Variants in PPFIA3 observed in about 807,000 individuals in gnomAD.
PPFIA3 encodes PPFI scaffold protein A3.
A neutral mutation model predicts 145.8 loss-of-function variants in PPFIA3; 26 were observed. The observed-to-expected ratio is 0.18, with a 90% CI of 0.13 to 0.25. PPFIA3 has a LOEUF of 0.25. Ranked by LOEUF, PPFIA3 falls within the 10% of genes least tolerant of loss-of-function variation. The pLI, the probability that PPFIA3 is intolerant of heterozygous loss-of-function variation, is 1.00. For missense variants in PPFIA3, 1,008 were observed against 1,587.8 expected (o/e 0.63, Z 6.21); for synonymous variants, 645 against 661.4 (o/e 0.98, Z 0.38).
At chr19:49,142,713 T>G in intron 20 of PPFIA3, 91 bp from the exon 21 acceptor site, 1 of 1,027,290 alleles carries the variant, frequency 9.7e-7, no homozygotes, top group Admixed American at 1.9e-5. Flanking sequence ...CCCACCCCCT[T>G]GCCTTTCCCC....
rs1881143902 is a variant in PPFIA3 at position 49,135,790 on chromosome 19, G to A, written c.1532G>A (p.Gly511Asp). Residue 511 changes from glycine to aspartate, a missense_variant, in exon 14 of 30, where the codon GGC (glycine) becomes GAC (aspartate). Around this residue, in one of 11 missense-constraint regions of PPFIA3, gnomAD observed 121 missense variants for 138.2 expected, o/e 0.88. Transcript: ENST00000334186. ...PPSSYSRSLP[G>D]SALELRYSQA... is the part of the protein sequence containing the mutation. ...CCTCATGCCCACAGGTCTCTCCCTG[G>A]CAGTGCCCTGGAGCTCCGTTACTCT... The A allele has an allele frequency of 1.9e-6, 3 of 1,611,028 alleles. No homozygotes were observed. The highest frequency in any genetic ancestry group is 1.7e-6 in the Non-Finnish European group (2 of 1,178,454).
At chr19:49,142,240 C>A in intron 20 of PPFIA3, 125 bp downstream of exon 20, 1 of 884,968 alleles carries the variant, frequency 1.1e-6, no homozygotes, top group Non-Finnish European at 1.7e-6. Context: ...GGCCATGGGC[C>A]TGGCAGGTGA....
chr19:49,137,707 T>G (rs2041158144), intron 15 of PPFIA3, among the ~76,000 whole-genome samples: 2 of 148,262 alleles, frequency 1.3e-5, no homozygotes, highest in South Asian at 4.3e-4. Context: ...CTACCCTGAT[T>G]CACCAGCAAT....
Position 49,128,521 on chromosome 19 carries a change from A to T in PPFIA3, c.342+53A>T, listed in dbSNP as rs1461390936. 26 of 1,437,838 alleles carry T rather than the reference A, an allele frequency of 1.8e-5. No homozygotes were observed. The East Asian group carries it at 6.2e-4, about 34-fold the overall frequency. The allele number at this position is 1,437,838 out of a possible 1,614,324, so 89.1% of individuals were successfully genotyped here. A position where few individuals can be genotyped will look rare whatever the true frequency, so the allele number is the denominator to read the frequency against. The stretch of plus-strand genomic sequence containing the variant: ...GTGGGGGCGGGGCCTCGTGGTGTTG[A>T]AGTGGGGGGCGGGGCCTCTCAGTGT... On this transcript the variant is annotated intron_variant, in intron 3 of 29. Transcript: ENST00000334186. This position sits in a 1 kb window ranked among gnomAD's most constrained non-coding sequence, Gnocchi z 4.1.
chr19:49,122,217 A>T (rs1275522794), intron 1 of PPFIA3, among the ~76,000 whole-genome samples: 1 of 150,608 alleles, frequency 6.6e-6, no homozygotes, highest in Non-Finnish European at 1.5e-5. Flanking sequence ...AGTAGCTGGG[A>T]TTACAGGCGC....
At position 49,129,370 on chromosome 19, in the gene PPFIA3, CG is replaced by C. The variant is rs141497121; in HGVS notation, c.508-9del. On this transcript the variant is annotated splice_polypyrimidine_tract_variant and intron_variant, in intron 4 of 29. Coordinates refer to ENST00000334186, the MANE Select transcript of PPFIA3 (RefSeq NM_003660.4). ...TCTCCAGCTGACTGTTGCCCTGCCCCGATCCCCAGGTCCGGGAGCGGCTGCG... is the reference window on the plus strand; with the variant it reads ...TCTCCAGCTGACTGTTGCCCTGCCCCATCCCCAGGTCCGGGAGCGGCTGCG... 1.0e-3 allele frequency: 1,619 copies of C among 1,549,476 alleles called. 14 individuals carry two copies. In the African/African-American group the frequency reaches 0.018, roughly 17 times the overall value.
intron 1 of PPFIA3, among the ~76,000 whole-genome samples, chr19:49,126,107 C>G (rs1033563330): frequency 4.0e-5 from 6 of 148,856 alleles, no homozygotes; most frequent in Non-Finnish European, 8.9e-5. Context: ...CGTGCCACCA[C>G]GCAAGCTAAT....
At chr19:49,146,686 T>G (rs573686868) in intron 23 of PPFIA3, among the ~76,000 whole-genome samples, 2 of 152,050 alleles carry the variant, frequency 1.3e-5, no homozygotes, top group Non-Finnish European at 2.9e-5. Flanking sequence ...TTCCAGCACT[T>G]TAGGAGGCTG....
chr19:49,149,859 C>T lies in PPFIA3; in HGVS notation c.3526+141C>T, dbSNP rs2041324853. On this transcript the variant is annotated intron_variant, in intron 28 of 29. Coordinates refer to ENST00000334186, the MANE Select transcript of PPFIA3 (RefSeq NM_003660.4). This position sits in a 1 kb window ranked among gnomAD's most constrained non-coding sequence, Gnocchi z 5.7. ...TGGACTGCTCCAACGTTCCGGACTC[C>T]CCCGTCAGGATGAAATGGATAAATC... 1 of 1,203,816 alleles carries T rather than the reference C, an allele frequency of 8.3e-7. No homozygotes were observed. The allele number at this position is 1,203,816 out of a possible 1,614,324, so 74.6% of individuals were successfully genotyped here.
chr19:49,123,885 G>A (rs976429631), intron 1 of PPFIA3, among the ~76,000 whole-genome samples: 14 of 152,148 alleles, frequency 9.2e-5, no homozygotes, highest in South Asian at 6.2e-4. Context: ...CTGGTGGATC[G>A]TGGGTTTTCT....
In PPFIA3 at chr19:49,126,868, G is replaced by A. The variant is rs141649004; in HGVS notation, c.-15-991G>A. ...TGATTTTCTCCACATTCACTCATAC[G>A]ATACCAGGGTCGGCCAGCTTTGGTT... is the stretch of plus-strand genomic sequence containing the variant. On this transcript the variant is annotated intron_variant, in intron 1 of 29. Transcript: ENST00000334186. Among the ~76,000 whole-genome samples the A allele has an allele frequency of 5.3e-3, 800 of 152,012 alleles. 4 individuals carry two copies. The highest frequency in any genetic ancestry group is 0.031 in the Middle Eastern group (9 of 294).
At chr19:49,131,739 G>A (rs369861810) in intron 7 of PPFIA3, among the ~76,000 whole-genome samples, 38 of 152,012 alleles carry the variant, frequency 2.5e-4, no homozygotes, top group African/African-American at 6.3e-4. Context: ...TGCCAGGTGC[G>A]GTGGTTCACG....
chr19:49,138,723 A>C (rs921232515), intron 16 of PPFIA3, among the ~76,000 whole-genome samples: 2 of 152,198 alleles, frequency 1.3e-5, no homozygotes, highest in Admixed American at 6.5e-5. Context: ...TAATCCCAGC[A>C]CTTCGGGAGG....
At chr19:49,124,663 A>G (rs910541093) in intron 1 of PPFIA3, among the ~76,000 whole-genome samples, 1 of 152,162 alleles carries the variant, frequency 6.6e-6, no homozygotes, top group Non-Finnish European at 1.5e-5. Flanking sequence ...TCTAGGTTCT[A>G]TGTCCAGCCT....
In PPFIA3 at chr19:49,138,383, C is replaced by T. The variant is rs768673329; in HGVS notation, c.2032C>T (p.Arg678Cys). 29 of 1,593,886 alleles carry T rather than the reference C, an allele frequency of 1.8e-5. No homozygotes were observed. The highest frequency in any genetic ancestry group is 6.7e-5 in the Admixed American group (4 of 59,370). The change falls in exon 16 of 30, where the codon CGC becomes TGC. Residue 678 changes from arginine to cysteine, a missense_variant. Arg to Cys is a radical substitution (Grantham distance 180). Transcript: ENST00000334186. ...TCCCAGCTCTGGCCACTCAACACCC[C>T]GCCTGGCACCCCCTAGCCCTGCCCG... Reference protein sequence around the residue: ...SPPSSGHSTPRLAPPSPAREG... With the variant: ...SPPSSGHSTPCLAPPSPAREG...
Position 49,138,365 on chromosome 19 carries a change from T to C in PPFIA3, c.2014T>C (p.Ser672Pro). 6.3e-7 allele frequency: 1 copy of C among 1,597,490 alleles called. No individual in the cohort carries two copies. ...STLASPSPPSSGHSTPRLAPP... is the reference protein window; with the variant it reads ...STLASPSPPSPGHSTPRLAPP... ...CCTTGCCAGCCCCTCCCCTCCCAGC[T>C]CTGGCCACTCAACACCCCGCCTGGC... is the stretch of plus-strand genomic sequence containing the variant. Residue 672 changes from serine to proline, a missense_variant, in exon 16 of 30, where the codon TCT becomes CCT. This residue lies in a region of PPFIA3 where 202 missense variants were observed against 241.8 expected (regional missense o/e 0.84). Coordinates refer to ENST00000334186, the MANE Select transcript of PPFIA3 (RefSeq NM_003660.4).
At chr19:49,122,174 G>A (rs1046672259) in intron 1 of PPFIA3, among the ~76,000 whole-genome samples, 3 of 147,790 alleles carry the variant, frequency 2.0e-5, no homozygotes, top group Non-Finnish European at 3.0e-5. Context: ...TCTGCCTCCC[G>A]CGTTCAAGCG....
chr19:49,133,569 G>A lies in PPFIA3; in HGVS notation c.1161+198G>A, dbSNP rs993754238. ...TTTGCGCGGGGGACGGATGGGAGCG[G>A]GGTTCTCTAGCCTGGACTGAAAGGA... On this transcript the variant is annotated intron_variant, in intron 9 of 29. Transcript: ENST00000334186. The surrounding 1 kb of genome is among the most constrained non-coding windows in gnomAD (Gnocchi z 7.2). Among the ~76,000 whole-genome samples, 2 of 152,164 alleles carry A rather than the reference G, an allele frequency of 1.3e-5. No individual in the cohort carries two copies. The highest frequency in any genetic ancestry group is 4.8e-5 in the African/African-American group (2 of 41,432).
chr19:49,128,450 G>A lies in PPFIA3; in HGVS notation c.324G>A (p.Ala108=). ...EREEEIAELK[A]ERNNTRLLLE... is the part of the protein sequence containing the mutation. ...AGGAAGAGATTGCAGAGCTGAAGGCGGAACGGAACAACACGCGGGTGAGGG... is the reference window on the plus strand; with the variant it reads ...AGGAAGAGATTGCAGAGCTGAAGGCAGAACGGAACAACACGCGGGTGAGGG... The change falls in exon 3 of 30, where the codon GCG becomes GCA. Residue 108 remains alanine, a synonymous_variant. Transcript: ENST00000334186. The surrounding 1 kb of genome is among the most constrained non-coding windows in gnomAD (Gnocchi z 4.1). 6.2e-7 allele frequency: 1 copy of A among 1,611,272 alleles called. No homozygotes were observed. Among genetic ancestry groups the A allele is most frequent in the South Asian group, 1.1e-5 (1 of 90,928 alleles).
Sources: allele counts gnomAD v4.1 joint callset (sites outside exome capture counted in the v4.1 genomes callset), GRCh38; gene constraint gnomAD v4.1.1; regional missense constraint gnomAD v4.1.1; non-coding constraint Gnocchi (gnomAD v3.1); transcripts MANE v1.5; gene names NCBI Gene and HGNC (gene_info 2026-07-23, HGNC 2026-07-21).